Variants in DNAH5 observed in about 807,000 individuals in gnomAD.
The protein encoded by DNAH5 is dynein axonemal heavy chain 5.
In DNAH5, 372 loss-of-function variants were observed where a neutral mutation model predicts 518.2. The observed-to-expected ratio is 0.72, with a 90% CI of 0.66 to 0.78. The LOEUF (loss-of-function observed/expected upper bound fraction) is 0.78. DNAH5 is among the 30% of genes least tolerant of loss of function. The pLI, the probability that DNAH5 is intolerant of heterozygous loss-of-function variation, is 0.00. For synonymous variants in DNAH5, 2,039 were observed against 2,025.9 expected (o/e 1.01, Z -0.17); for missense variants, 5,523 against 5,687.0 (o/e 0.97, Z 0.93).
intron 28 of DNAH5, among the ~76,000 whole-genome samples, chr5:13,864,117 T>A (rs1289098344): frequency 6.6e-6 from 1 of 152,244 alleles, no homozygotes; most frequent in Admixed American, 6.5e-5. Flanking sequence ...CAGAACAACA[T>A]ACATTTTATT....
chr5:13,992,488 A>G (rs916258355), intron 1 of DNAH5, among the ~76,000 whole-genome samples: 2 of 152,214 alleles, frequency 1.3e-5, no homozygotes, highest in Non-Finnish European at 2.9e-5. Context: ...TGCAAATTTT[A>G]ACCTGATTTC....
chr5:13,889,975 T>A (rs1036148995), intron 17 of DNAH5, among the ~76,000 whole-genome samples: 1 of 152,140 alleles, frequency 6.6e-6, no homozygotes, highest in Non-Finnish European at 1.5e-5. Context: ...AGATGCCCAC[T>A]GGGAATATTG....
At chr5:13,799,155 A>G (rs577607931) in intron 47 of DNAH5, among the ~76,000 whole-genome samples, 22 of 152,182 alleles carry the variant, frequency 1.4e-4, no homozygotes, top group Middle Eastern at 3.4e-3. Context: ...AACTCATTCA[A>G]TTACAAAACA....
chr5:13,828,933 G>A (rs1445815), intron 38 of DNAH5, among the ~76,000 whole-genome samples: 63,934 of 152,086 alleles, frequency 0.42, 13,882 homozygotes, highest in East Asian at 0.61. Flanking sequence ...ATAAATGTAC[G>A]TTGTTACAAG....
intron 63 of DNAH5, 84 bp downstream of exon 63, chr5:13,753,149 A>G (rs181244992): frequency 1.7e-4 from 181 of 1,038,830 alleles, no homozygotes; most frequent in Middle Eastern, 1.4e-3. Context: ...TAGTGTTTTC[A>G]AATATTTCTT....
At chr5:13,810,708 G>A (rs1309727227) in intron 44 of DNAH5, among the ~76,000 whole-genome samples, 1 of 151,752 alleles carries the variant, frequency 6.6e-6, no homozygotes, top group Non-Finnish European at 1.5e-5. Flanking sequence ...GAGCCAAGAT[G>A]GCGCTACTGC....
chr5:13,997,174 G>C (rs531994050), intron 1 of DNAH5, among the ~76,000 whole-genome samples: 3 of 152,206 alleles, frequency 2.0e-5, no homozygotes, highest in South Asian at 4.2e-4. Context: ...TTTTTTACAG[G>C]CTAAGAATTT....
chr5:13,820,623 G>C (rs1183400984), intron 40 of DNAH5, 124 bp from the exon 41 acceptor site: 7 of 1,099,486 alleles, frequency 6.4e-6, no homozygotes, highest in Non-Finnish European at 8.2e-6. Flanking sequence ...AGGAGTTCAA[G>C]ACCAGCCAGG....
chr5:13,821,564 G>A (rs1762241297), intron 40 of DNAH5, among the ~76,000 whole-genome samples: 1 of 152,178 alleles, frequency 6.6e-6, no homozygotes, highest in Non-Finnish European at 1.5e-5. Flanking sequence ...ATCAGCTTGT[G>A]AAACTATGGA....
rs1754972915 is a variant in DNAH5 at position 13,780,719 on chromosome 5, A to G, written c.8951+110T>C. On this transcript the variant is annotated intron_variant, in intron 53 of 78. Transcript: ENST00000265104. ...ATGATAAGTCAACATTCAAGAAGGA[A>G]AATGACTGTGACTCTTTATATGTAA... 4 of 1,248,702 alleles carry G rather than the reference A, an allele frequency of 3.2e-6. No homozygotes were observed. In the African/African-American group the frequency reaches 5.9e-5, roughly 18 times the overall value. 77.4% of individuals were successfully genotyped at this position (1,248,702 alleles called of 1,614,324 possible).
Position 13,863,485 on chromosome 5 carries a change from T to C in DNAH5, c.4597-738A>G, listed in dbSNP as rs902389463. Among the ~76,000 whole-genome samples the C allele has an allele frequency of 7.2e-5, 11 of 151,952 alleles. 1 individual carries two copies. Among genetic ancestry groups the C allele is most frequent in the Admixed American group, 5.3e-4 (8 of 15,202 alleles). On this transcript the variant is annotated intron_variant, in intron 28 of 78. Coordinates refer to ENST00000265104, the MANE Select transcript of DNAH5 (RefSeq NM_001369.3). The stretch of plus-strand genomic sequence containing the variant: ...GTTCCCCATCTCTGTGGTCAGCACC[T>C]TCATCCACTTAGGTCTCTCAGCAAG...
chr5:13,877,939 C>T (rs1325273327), intron 21 of DNAH5, among the ~76,000 whole-genome samples: 2 of 152,140 alleles, frequency 1.3e-5, no homozygotes, highest in Non-Finnish European at 2.9e-5. Flanking sequence ...GCTTTAAAAC[C>T]ATGGCCCCTT....
chr5:13,776,905 C>T (rs1342028489), intron 54 of DNAH5, among the ~76,000 whole-genome samples, 199 bp from the exon 55 acceptor site: 2 of 152,106 alleles, frequency 1.3e-5, no homozygotes, highest in Non-Finnish European at 2.9e-5. Flanking sequence ...GTTGTAGCCC[C>T]GGAAAGGAGT....
At chr5:13,710,640 G>A (rs781424296) in intron 75 of DNAH5, among the ~76,000 whole-genome samples, 3 of 152,028 alleles carry the variant, frequency 2.0e-5, no homozygotes, top group Non-Finnish European at 4.4e-5. Flanking sequence ...AAGAAAAGAA[G>A]AGAGAAAATC....
At chr5:13,833,242 C>A (rs184752639) in intron 35 of DNAH5, among the ~76,000 whole-genome samples, 3 of 151,968 alleles carry the variant, frequency 2.0e-5, no homozygotes, top group Admixed American at 2.0e-4. Flanking sequence ...AGTTCAAGAC[C>A]AGCCTGGCCA....
chr5:13,969,174 C>T (rs1781719948), intron 1 of DNAH5, among the ~76,000 whole-genome samples: 1 of 152,128 alleles, frequency 6.6e-6, no homozygotes, highest in African/African-American at 2.4e-5. Context: ...TCTCCTGTTT[C>T]ATTTCTAACT....
chr5:13,729,904 G>A (rs371789188), intron 68 of DNAH5, among the ~76,000 whole-genome samples: 34 of 152,272 alleles, frequency 2.2e-4, no homozygotes, highest in East Asian at 9.6e-4. Flanking sequence ...CAATGTATGC[G>A]TGTAAAGCAC....
At chr5:13,719,429 C>T (rs1744749058) in intron 71 of DNAH5, among the ~76,000 whole-genome samples, 1 of 152,052 alleles carries the variant, frequency 6.6e-6, no homozygotes, top group Admixed American at 6.6e-5. Flanking sequence ...GATCCCTCCC[C>T]AAATTCCATT....
At position 13,803,961 on chromosome 5, in the gene DNAH5, T is replaced by C. The variant is rs558347805; in HGVS notation, c.7887+3630A>G. 2.6e-5 allele frequency among the ~76,000 whole-genome samples: 4 copies of C among 152,358 alleles called. No individual in the cohort carries two copies. The South Asian group carries it at 8.3e-4, about 32-fold the overall frequency. ...TGCTATGCAACCATTTGTAAGATGG[T>C]AGCTATATTCAAAAAACTTTATAAT... On this transcript the variant is annotated intron_variant, in intron 47 of 78. Transcript: ENST00000265104.
Sources: allele counts gnomAD v4.1 joint callset (sites outside exome capture counted in the v4.1 genomes callset), GRCh38; gene constraint gnomAD v4.1.1; transcripts MANE v1.5; gene names NCBI Gene and HGNC (gene_info 2026-07-23, HGNC 2026-07-21).